RFX7: variants seen among roughly 807,000 people sequenced by gnomAD.
RFX7 encodes the protein regulatory factor X7.
Under a neutral mutation model 111.8 loss-of-function variants are expected in RFX7, and 26 were observed. The observed-to-expected ratio is 0.23, with a 90% confidence interval of 0.17 to 0.32. RFX7 has a LOEUF of 0.32. Among genes scored for constraint, RFX7 ranks in the 10% least tolerant of loss-of-function variants. The pLI is 1.00. For missense variants in RFX7, 1,573 were observed against 1,772.9 expected, an observed-to-expected ratio of 0.89 and a Z score of 2.02; for synonymous variants, 624 against 624.4, an observed-to-expected ratio of 1.00 and a Z score of 0.01.
At chr15:56,188,254 T>C (rs1187308729) in intron 2 of RFX7, among the ~76,000 whole-genome samples, 11 of 152,184 alleles carry the variant, frequency 7.2e-5, no homozygotes, top group African/African-American at 2.2e-4. Flanking sequence ...AATAGGTCTA[T>C]TGAATGTGAA....
chr15:56,223,980 G>A (rs987432055), intron 2 of RFX7, among the ~76,000 whole-genome samples: 7 of 151,370 alleles, frequency 4.6e-5, no homozygotes, highest in Non-Finnish European at 8.8e-5. Context: ...TCTTTTTACA[G>A]CTATACAGTA....
intron 3 of RFX7, among the ~76,000 whole-genome samples, chr15:56,162,994 C>T (rs534700319): frequency 1.3e-5 from 2 of 152,126 alleles, no homozygotes; most frequent in East Asian, 1.9e-4. Context: ...TGATCTTCTA[C>T]CCATGAGCCT....
chr15:56,108,308 A>G (rs1184396011), intron 5 of RFX7, among the ~76,000 whole-genome samples: 4 of 152,218 alleles, frequency 2.6e-5, no homozygotes, highest in South Asian at 4.1e-4. Flanking sequence ...TCAATAAAAT[A>G]CTGGCAAACT....
intron 2 of RFX7, among the ~76,000 whole-genome samples, chr15:56,235,865 ATAATT>A (rs774411347): frequency 2.6e-5 from 4 of 152,294 alleles, no homozygotes; most frequent in East Asian, 3.9e-4. Flanking sequence ...ATGGGTTCAG[ATAATT>A]TATTTTTTTT....
At chr15:56,233,639 G>T (rs2043592090) in intron 2 of RFX7, among the ~76,000 whole-genome samples, 1 of 152,194 alleles carries the variant, frequency 6.6e-6, no homozygotes, top group Non-Finnish European at 1.5e-5. Context: ...AAAAGAATTA[G>T]AGTAACTGAA....
chr15:56,149,107 T>A (rs1259008811), intron 3 of RFX7, among the ~76,000 whole-genome samples: 1 of 146,708 alleles, frequency 6.8e-6, no homozygotes, highest in Non-Finnish European at 1.5e-5. Context: ...AAAAAATCAA[T>A]GTGTCACCCC....
intron 5 of RFX7, among the ~76,000 whole-genome samples, chr15:56,107,397 T>A (rs1326216078): frequency 2.0e-5 from 3 of 150,312 alleles, no homozygotes; most frequent in Non-Finnish European, 4.4e-5. Flanking sequence ...TTAAGCCTAA[T>A]ATTCAATATG....
intron 2 of RFX7, among the ~76,000 whole-genome samples, chr15:56,190,064 C>T (rs552037124): frequency 6.6e-6 from 1 of 152,256 alleles, no homozygotes; most frequent in African/African-American, 2.4e-5. Flanking sequence ...AAATATTATA[C>T]TGAGCCATAT....
Position 56,090,076 on chromosome 15 carries a change from T to C in RFX7, c.*3269A>G, listed in dbSNP as rs2041577684. On this transcript the variant is annotated 3_prime_UTR_variant, in exon 10 of 10. Coordinates refer to ENST00000559447, the MANE Select transcript of RFX7 (RefSeq NM_022841.7). Reference sequence around the variant, plus strand: ...CTACTTCGGCCTGCTTCCAGACCTGTAGCCCAGCTTCTGGCTTACAAATTC... The same window carrying C: ...CTACTTCGGCCTGCTTCCAGACCTGCAGCCCAGCTTCTGGCTTACAAATTC... 6.6e-6 allele frequency: 1 copy of C among 152,190 alleles called. No homozygotes were observed. Among genetic ancestry groups the C allele is most frequent in the African/African-American group, 2.4e-5 (1 of 41,456 alleles). 9.4% of individuals were successfully genotyped at this position (152,190 alleles called of 1,614,324 possible).
At chr15:56,109,844 G>A (rs1311049453) in intron 5 of RFX7, among the ~76,000 whole-genome samples, 10 of 151,942 alleles carry the variant, frequency 6.6e-5, no homozygotes, top group Admixed American at 3.3e-4. Flanking sequence ...GAGCCCCTCC[G>A]CCCGGCAGCC....
At chr15:56,214,410 A>G (rs1311691877) in intron 2 of RFX7, among the ~76,000 whole-genome samples, 1 of 152,170 alleles carries the variant, frequency 6.6e-6, no homozygotes, top group East Asian at 1.9e-4. Context: ...ATCTTTCAAT[A>G]AGGTTTTAAA....
intron 5 of RFX7, among the ~76,000 whole-genome samples, chr15:56,105,968 T>C (rs1182424477): frequency 6.6e-6 from 1 of 152,180 alleles, no homozygotes; most frequent in East Asian, 1.9e-4. Flanking sequence ...CTATAGGGTA[T>C]GAATTATGGT....
At chr15:56,113,058 T>C (rs1392451113) in intron 5 of RFX7, among the ~76,000 whole-genome samples, 1 of 152,248 alleles carries the variant, frequency 6.6e-6, no homozygotes, top group African/African-American at 2.4e-5. Context: ...TTGGTGGGAA[T>C]GTAAATTAGT....
At chr15:56,136,241 C>T (rs1280778108) in intron 5 of RFX7, among the ~76,000 whole-genome samples, 3 of 146,064 alleles carry the variant, frequency 2.1e-5, no homozygotes, top group Non-Finnish European at 4.5e-5. Context: ...ATTCTTCCTA[C>T]CCATGAGCAT....
At chr15:56,117,516 G>A (rs543341772) in intron 5 of RFX7, among the ~76,000 whole-genome samples, 2 of 152,074 alleles carry the variant, frequency 1.3e-5, no homozygotes, top group South Asian at 2.1e-4. Context: ...AATATCCTCC[G>A]CACTACTTGA....
intron 3 of RFX7, among the ~76,000 whole-genome samples, chr15:56,161,030 A>T (rs939226481): frequency 7.2e-5 from 11 of 152,040 alleles, no homozygotes; most frequent in African/African-American, 1.9e-4. Flanking sequence ...AAACCTATTG[A>T]ATTAGGTATA....
chr15:56,093,995 T>A lies in RFX7; in HGVS notation c.3733A>T (p.Asn1245Tyr). 1 of 1,614,014 alleles carries A rather than the reference T, an allele frequency of 6.2e-7. No homozygotes were observed. The highest frequency in any genetic ancestry group is 8.5e-7 in the Non-Finnish European group (1 of 1,179,868). ...AAAACATTGGTTATTTTTTTACTGT[T>A]TGCTTGCTTCTGAAGAGCGTTTGGG... ...AFPNALQKQA[N>Y]SKKITNVLLS... The change falls in exon 10 of 10, where the codon AAC (asparagine) becomes TAC (tyrosine). Residue 1245 changes from asparagine (N) to tyrosine (Y), a missense_variant. Asn to Tyr is a moderately radical substitution (Grantham distance 143). This residue lies in a region of RFX7 where 411 missense variants were observed against 478.1 expected (regional missense o/e 0.86). Coordinates refer to ENST00000559447, the MANE Select transcript of RFX7 (RefSeq NM_022841.7).
At chr15:56,168,556 C>T (rs912189392) in intron 3 of RFX7, among the ~76,000 whole-genome samples, 2 of 152,062 alleles carry the variant, frequency 1.3e-5, no homozygotes, top group Non-Finnish European at 2.9e-5. Flanking sequence ...AAGTTGGGGC[C>T]CTTAACACTG....
rs1469458639 is a variant in RFX7 at position 56,087,933 on chromosome 15, G to A, written c.*5412C>T. 3.0e-6 allele frequency: 1 copy of A among 336,544 alleles called. No homozygotes were observed. The highest frequency in any genetic ancestry group is 9.0e-5 in the East Asian group (1 of 11,110). 20.8% of individuals were successfully genotyped at this position (336,544 alleles called of 1,614,324 possible). On this transcript the variant is annotated 3_prime_UTR_variant, in exon 10 of 10. Transcript: ENST00000559447. ...CTGTATGAAATATGCTTGAAAAGCT[G>A]TGTGGAAAACAAAATTTTGTTTTTA... is the stretch of plus-strand genomic sequence containing the variant.
Sources: gnomAD v4.1 joint callset for allele counts (sites outside exome capture counted in the v4.1 genomes callset) on GRCh38, gnomAD v4.1.1 for gene constraint, gnomAD v4.1.1 regional missense constraint, MANE v1.5 for transcripts, NCBI Gene and HGNC (gene_info 2026-07-23, HGNC 2026-07-21) for gene names.